SAMD4A: variants seen among roughly 807,000 people sequenced by gnomAD.
SAMD4A encodes sterile alpha motif domain containing 4A, also known as protein Smaug homolog 1.
In SAMD4A, 33 loss-of-function variants were observed where a neutral mutation model predicts 81.3. The ratio of observed to expected loss-of-function variants is 0.41; its 90% CI spans 0.31 to 0.54. The LOEUF is 0.54. Ranked by LOEUF, SAMD4A falls within the 20% of genes least tolerant of loss-of-function variation. SAMD4A has a pLI of 0.37. For synonymous variants in SAMD4A, 389 were observed against 382.1 expected (o/e 1.02, Z -0.21); for missense variants, 854 against 951.1 (o/e 0.90, Z 1.34).
chr14:54,589,237 C>T (rs1003246036), intron 2 of SAMD4A, among the ~76,000 whole-genome samples: 2 of 152,094 alleles, frequency 1.3e-5, no homozygotes, highest in Admixed American at 6.5e-5. Context: ...GTAATTTACA[C>T]GCTCATCTAT....
At chr14:54,749,344 G>T (rs2038042486) in intron 5 of SAMD4A, among the ~76,000 whole-genome samples, 1 of 152,158 alleles carries the variant, frequency 6.6e-6, no homozygotes. Context: ...TTTGGGAAGT[G>T]ACAGATCCAT....
chr14:54,709,725 A>G (rs1229161689), intron 3 of SAMD4A, among the ~76,000 whole-genome samples: 1 of 152,212 alleles, frequency 6.6e-6, no homozygotes, highest in Non-Finnish European at 1.5e-5. Context: ...CAAACCTTAC[A>G]CAAGGCTTGG....
chr14:54,610,750 G>C (rs997524648), intron 2 of SAMD4A, among the ~76,000 whole-genome samples: 2 of 152,190 alleles, frequency 1.3e-5, no homozygotes. Flanking sequence ...ATAATCATTT[G>C]AATCTGACAC....
In SAMD4A at chr14:54,567,895, G is replaced by T; in HGVS notation, c.-22G>T. On this transcript the variant is annotated 5_prime_UTR_variant, in exon 2 of 13. Coordinates refer to ENST00000554335, the MANE Select transcript of SAMD4A (RefSeq NM_015589.6). The stretch of plus-strand genomic sequence containing the variant: ...GCTGGGGCGCCCAGGGGGCTCTGTA[G>T]ACCGAGGGCGGCCCCCTAACCATGA... The T allele has an allele frequency of 6.3e-7, 1 of 1,599,046 alleles. No homozygotes were observed.
intron 2 of SAMD4A, among the ~76,000 whole-genome samples, chr14:54,597,584 C>CTTTTTTTT (rs71127662): frequency 1.5e-4 from 14 of 90,862 alleles, no homozygotes; most frequent in East Asian, 4.1e-4. Flanking sequence ...TTCCTTCTAT[C>CTTTTTTTT]TTTTTTTTTT....
chr14:54,610,855 AGGTTTT>A (rs1275114774), intron 2 of SAMD4A, among the ~76,000 whole-genome samples: 1 of 152,242 alleles, frequency 6.6e-6, no homozygotes, highest in Non-Finnish European at 1.5e-5. Context: ...GAAAAAGAGA[AGGTTTT>A]GGTTTTCTCT....
At chr14:54,665,871 C>T (rs1210936883) in intron 2 of SAMD4A, among the ~76,000 whole-genome samples, 1 of 152,182 alleles carries the variant, frequency 6.6e-6, no homozygotes, top group East Asian at 1.9e-4. Context: ...GGGCTTGTCT[C>T]AACCTGAAAC....
chr14:54,760,818 A>G (rs1219154380), intron 7 of SAMD4A, among the ~76,000 whole-genome samples: 2 of 152,182 alleles, frequency 1.3e-5, no homozygotes, highest in Admixed American at 6.5e-5. Context: ...AGGACTTCGA[A>G]AAAGATGATT....
At chr14:54,630,424 G>A (rs549484328) in intron 2 of SAMD4A, among the ~76,000 whole-genome samples, 3 of 152,234 alleles carry the variant, frequency 2.0e-5, no homozygotes, top group Admixed American at 6.5e-5. Flanking sequence ...TGCATTTCCC[G>A]AATGATGGGT....
At chr14:54,641,157 A>T (rs1384281485) in intron 2 of SAMD4A, among the ~76,000 whole-genome samples, 1 of 152,174 alleles carries the variant, frequency 6.6e-6, no homozygotes, top group Non-Finnish European at 1.5e-5. Flanking sequence ...TTGTTTTCTC[A>T]TCTGTAAAAT....
chr14:54,695,486 AG>A (rs1439430883), intron 2 of SAMD4A, among the ~76,000 whole-genome samples: 1 of 152,246 alleles, frequency 6.6e-6, no homozygotes, highest in Non-Finnish European at 1.5e-5. Flanking sequence ...CAAGACAGCA[AG>A]GTAGAAGCTG....
chr14:54,700,714 C>T (rs563204198), intron 2 of SAMD4A, among the ~76,000 whole-genome samples: 116 of 152,268 alleles, frequency 7.6e-4, no homozygotes, highest in African/African-American at 2.7e-3. Context: ...TGGCCCAGAG[C>T]CTGTGAATAA....
At chr14:54,650,588 A>G (rs1250266468) in intron 2 of SAMD4A, among the ~76,000 whole-genome samples, 2 of 152,164 alleles carry the variant, frequency 1.3e-5, no homozygotes, top group Admixed American at 6.5e-5. Context: ...TCCAGAAAAC[A>G]CTGGTTTCCC....
chr14:54,576,182 G>C (rs936211611), intron 2 of SAMD4A, among the ~76,000 whole-genome samples: 1 of 152,004 alleles, frequency 6.6e-6, no homozygotes, highest in African/African-American at 2.4e-5. Context: ...AGTTTATCCT[G>C]ATCTGTCATA....
chr14:54,696,550 C>T (rs955514903), intron 2 of SAMD4A, among the ~76,000 whole-genome samples: 3 of 152,172 alleles, frequency 2.0e-5, no homozygotes, highest in African/African-American at 7.2e-5. Flanking sequence ...CGTTATTAAA[C>T]TGAAAACAAG....
At chr14:54,662,170 A>G (rs77593484) in intron 2 of SAMD4A, among the ~76,000 whole-genome samples, 8,759 of 152,282 alleles carry the variant, frequency 0.058, 289 homozygotes, top group South Asian at 0.079. Context: ...TCGCTTAGTT[A>G]CAGATGGAAA....
chr14:54,745,084 C>A (rs1196146225), intron 4 of SAMD4A, among the ~76,000 whole-genome samples: 1 of 152,162 alleles, frequency 6.6e-6, no homozygotes, highest in African/African-American at 2.4e-5. Flanking sequence ...CCACGCATCC[C>A]AAGCCATCAT....
chr14:54,772,020 G>A (rs2038719520), intron 9 of SAMD4A, among the ~76,000 whole-genome samples: 2 of 152,206 alleles, frequency 1.3e-5, no homozygotes, highest in Admixed American at 6.5e-5. Flanking sequence ...GCTTGTGGAT[G>A]TTCAACTGGA....
intron 2 of SAMD4A, among the ~76,000 whole-genome samples, chr14:54,684,621 C>CG (rs1434813617): frequency 9.5e-6 from 1 of 105,098 alleles, no homozygotes; most frequent in East Asian, 3.1e-4. Flanking sequence ...CGCCCCCCCC[C>CG]CCAACCAGAA....
Sources: gnomAD v4.1 joint callset for allele counts (sites outside exome capture counted in the v4.1 genomes callset) on GRCh38, gnomAD v4.1.1 for gene constraint, MANE v1.5 for transcripts, NCBI Gene and HGNC (gene_info 2026-07-23, HGNC 2026-07-21) for gene names.